NTM: variants seen among roughly 807,000 people sequenced by gnomAD.
NTM encodes the protein IgLON family member 2.
Under a neutral mutation model 42.1 loss-of-function variants are expected in NTM, and 13 were observed. The ratio of observed to expected loss-of-function variants is 0.31; its 90% CI spans 0.20 to 0.49. The LOEUF (loss-of-function observed/expected upper bound fraction) is 0.49, where lower values mean the gene tolerates loss of function less well. NTM is among the 20% of genes least tolerant of loss of function. NTM has a pLI of 0.99. For synonymous variants in NTM, 187 were observed against 179.2 expected (o/e 1.04, Z -0.35); for missense variants, 373 against 452.8 (o/e 0.82, Z 1.60).
intron 1 of NTM, among the ~76,000 whole-genome samples, chr11:131,381,533 A>T (rs1276602946): frequency 1.3e-5 from 2 of 149,600 alleles, no homozygotes; most frequent in African/African-American, 5.1e-5. Flanking sequence ...TCTAAATGCC[A>T]TATTGTCATT....
chr11:131,416,002 T>C (rs1946906705), intron 1 of NTM, among the ~76,000 whole-genome samples: 1 of 152,218 alleles, frequency 6.6e-6, no homozygotes. Flanking sequence ...AATGTCCAGT[T>C]ATATTTGTTG....
At chr11:132,298,145 T>TAACTCCTTCA (rs2140087184) in intron 4 of NTM, among the ~76,000 whole-genome samples, 1 of 152,230 alleles carries the variant, frequency 6.6e-6, no homozygotes, top group South Asian at 2.1e-4. Flanking sequence ...TGAAAGCAAT[T>TAACTCCTTCA]AACTCCTTCA....
chr11:132,263,382 A>G (rs2092988159), intron 4 of NTM, among the ~76,000 whole-genome samples: 2 of 152,208 alleles, frequency 1.3e-5, no homozygotes, highest in Admixed American at 6.5e-5. Flanking sequence ...AAAATCCAAG[A>G]AATCAGACAA....
At chr11:132,320,804 T>C (rs1303856439) in intron 7 of NTM, among the ~76,000 whole-genome samples, 85 of 151,514 alleles carry the variant, frequency 5.6e-4, no homozygotes, top group African/African-American at 1.9e-3. Context: ...GAGCAGTGGT[T>C]CTCCCAGTAC....
intron 1 of NTM, among the ~76,000 whole-genome samples, chr11:131,710,247 C>A (rs150733702): frequency 2.6e-5 from 4 of 152,150 alleles, no homozygotes; most frequent in Non-Finnish European, 5.9e-5. Context: ...CTCTTGTCAG[C>A]GTACAAATAT....
chr11:131,424,600 C>CTTTTCTTTTTTT (rs1555108116), intron 1 of NTM, among the ~76,000 whole-genome samples: 694 of 56,080 alleles, frequency 0.012, 44 homozygotes, highest in Non-Finnish European at 0.015. Flanking sequence ...CTTTTCTTTT[C>CTTTTCTTTTTTT]TTTTTTTTTT....
chr11:132,243,531 C>T (rs2090568144), intron 4 of NTM, among the ~76,000 whole-genome samples: 1 of 152,058 alleles, frequency 6.6e-6, no homozygotes, highest in Non-Finnish European at 1.5e-5. Context: ...GCTCAGAGCC[C>T]CAGGACACAG....
chr11:132,078,399 T>C (rs2058628697), intron 2 of NTM, among the ~76,000 whole-genome samples: 1 of 152,208 alleles, frequency 6.6e-6, no homozygotes, highest in Admixed American at 6.5e-5. Context: ...ACAGCACACT[T>C]AGCACTGGGG....
intron 2 of NTM, among the ~76,000 whole-genome samples, chr11:132,078,643 G>T (rs2058661349): frequency 6.6e-6 from 1 of 152,192 alleles, no homozygotes; most frequent in African/African-American, 2.4e-5. Flanking sequence ...GATGTCTCTA[G>T]ACATTTTTCT....
At chr11:131,573,374 C>T (rs894938715) in intron 1 of NTM, among the ~76,000 whole-genome samples, 4 of 152,144 alleles carry the variant, frequency 2.6e-5, no homozygotes, top group Non-Finnish European at 5.9e-5. Flanking sequence ...GCATAAAGTG[C>T]CTCACAGTAG....
chr11:131,507,630 C>A (rs1392428366), intron 1 of NTM, among the ~76,000 whole-genome samples: 23 of 149,354 alleles, frequency 1.5e-4, no homozygotes, highest in African/African-American at 5.7e-4. Context: ...GGCATTGAAT[C>A]TGTAAATTAC....
At chr11:131,679,443 T>A (rs1057019298) in intron 1 of NTM, among the ~76,000 whole-genome samples, 1 of 151,938 alleles carries the variant, frequency 6.6e-6, no homozygotes, top group Non-Finnish European at 1.5e-5. Context: ...TTGAGAAGGA[T>A]TCCAAAGCCA....
chr11:131,979,657 A>C (rs903052516), intron 2 of NTM, among the ~76,000 whole-genome samples: 17 of 152,326 alleles, frequency 1.1e-4, no homozygotes, highest in African/African-American at 3.6e-4. Context: ...GCTGTTTGAG[A>C]GCCACTTGCC....
At chr11:132,313,213 T>TCTAA (rs1170731328) in intron 6 of NTM, among the ~76,000 whole-genome samples, 8 of 152,174 alleles carry the variant, frequency 5.3e-5, no homozygotes, top group African/African-American at 9.7e-5. Flanking sequence ...GTCATCTATG[T>TCTAA]CTAACTCCAT....
chr11:131,866,977 C>T (rs560759538), intron 1 of NTM, among the ~76,000 whole-genome samples: 2 of 152,250 alleles, frequency 1.3e-5, no homozygotes, highest in African/African-American at 4.8e-5. Flanking sequence ...GCGCGGCAGC[C>T]AAGATGGAGA....
chr11:132,320,757 T>C lies in NTM; in HGVS notation c.934+6054T>C, dbSNP rs1356467073. 2.6e-5 allele frequency among the ~76,000 whole-genome samples: 4 copies of C among 151,928 alleles called. No individual in the cohort carries two copies. In the East Asian group the frequency reaches 5.8e-4, roughly 22 times the overall value. On this transcript the variant is annotated intron_variant, in intron 7 of 8. Coordinates refer to ENST00000683400, the MANE Select transcript of NTM (RefSeq NM_001352005.2). ...CAAACAAAAAGACAGCAGTAACCTC[T>C]GCAGACTTAAATGTCCCTGTCTGAC...
chr11:131,500,310 C>T (rs761590900), intron 1 of NTM, among the ~76,000 whole-genome samples: 29 of 152,168 alleles, frequency 1.9e-4, no homozygotes, highest in Admixed American at 3.9e-4. Context: ...GAACTTTATT[C>T]CCAGAATCAT....
At chr11:132,227,726 A>G (rs2086617430) in intron 4 of NTM, among the ~76,000 whole-genome samples, 1 of 152,170 alleles carries the variant, frequency 6.6e-6, no homozygotes, top group Non-Finnish European at 1.5e-5. Flanking sequence ...GGAATTTGGA[A>G]CAAAAGTCAC....
intron 1 of NTM, among the ~76,000 whole-genome samples, chr11:131,433,540 T>C (rs1948861677): frequency 6.6e-6 from 1 of 152,178 alleles, no homozygotes; most frequent in African/African-American, 2.4e-5. Context: ...TTTCAGTTAC[T>C]TCCTGAGGAA....
Sources: allele counts gnomAD v4.1 joint callset (sites outside exome capture counted in the v4.1 genomes callset), GRCh38; gene constraint gnomAD v4.1.1; transcripts MANE v1.5; gene names NCBI Gene and HGNC (gene_info 2026-07-23, HGNC 2026-07-21).